The following PCDH15 variants were observed in gnomAD, a reference collection of about 807,000 sequenced individuals.
PCDH15 encodes protocadherin related 15.
PCDH15 carries 129 observed loss-of-function variants against 178.5 expected under a neutral mutation model. The ratio of observed to expected loss-of-function variants is 0.72; its 90% CI spans 0.63 to 0.84. The LOEUF (loss-of-function observed/expected upper bound fraction) is 0.84, where lower values mean the gene tolerates loss of function less well. Ranked by LOEUF, PCDH15 falls within the 40% of genes least tolerant of loss-of-function variation. PCDH15 has a pLI of 0.00. For missense variants in PCDH15, 2,230 were observed against 2,099.9 expected, an observed-to-expected ratio of 1.06 and a Z score of -1.21; for synonymous variants, 800 against 732.0, an observed-to-expected ratio of 1.09 and a Z score of -1.50.
At chr10:54,271,144 G>T (rs1357309088) in intron 8 of PCDH15, among the ~76,000 whole-genome samples, 1 of 152,080 alleles carries the variant, frequency 6.6e-6, no homozygotes, top group African/African-American at 2.4e-5. Flanking sequence ...GCTATGATCT[G>T]CCATTGTATA....
intron 15 of PCDH15, among the ~76,000 whole-genome samples, chr10:54,112,676 C>G (rs997205502): frequency 6.6e-6 from 1 of 152,146 alleles, no homozygotes; most frequent in East Asian, 1.9e-4. Context: ...TATTTAATTT[C>G]TAATGCATCA....
intron 2 of PCDH15, among the ~76,000 whole-genome samples, chr10:55,549,409 GATGATGGGTATGC>G: frequency 6.6e-6 from 1 of 152,164 alleles, no homozygotes; most frequent in Middle Eastern, 3.4e-3. Context: ...AAAACTCCAA[GATGATGGGTATGC>G]ATCAATTGAA....
intron 3 of PCDH15, among the ~76,000 whole-genome samples, chr10:54,819,055 G>A (rs1447315840): frequency 6.6e-6 from 1 of 151,904 alleles, no homozygotes; most frequent in Non-Finnish European, 1.5e-5. Context: ...TTCCCAAACT[G>A]CTGGAATTAC....
intron 21 of PCDH15, among the ~76,000 whole-genome samples, chr10:53,964,358 T>C (rs1306214051): frequency 2.4e-5 from 2 of 82,706 alleles, no homozygotes; most frequent in African/African-American, 4.6e-5. Flanking sequence ...GAATAAATAA[T>C]TTTTTATTTA....
chr10:54,675,779 G>A (rs190145750), intron 1 of PCDH15, among the ~76,000 whole-genome samples: 65 of 152,240 alleles, frequency 4.3e-4, no homozygotes, highest in Middle Eastern at 3.4e-3. Context: ...CCTGAGAAGA[G>A]GAATCATTAT....
chr10:54,727,645 C>G (rs1942763241), intron 1 of PCDH15, among the ~76,000 whole-genome samples: 1 of 151,234 alleles, frequency 6.6e-6, no homozygotes, highest in Non-Finnish European at 1.5e-5. Context: ...TGAAGACCAA[C>G]AAAAATATGT....
chr10:54,394,522 A>G (rs1170060112), intron 3 of PCDH15, among the ~76,000 whole-genome samples: 8 of 152,198 alleles, frequency 5.3e-5, no homozygotes, highest in Non-Finnish European at 1.2e-4. Context: ...GGTCACAGAC[A>G]TCAAGTACTT....
chr10:53,821,883 G>C lies in PCDH15; in HGVS notation c.4368-1653C>G, dbSNP rs2076290815. On this transcript the variant is annotated intron_variant, in intron 32 of 37. Transcript: ENST00000644397. ...TTACAGTGAAGTAGATTGACTGTGA[G>C]ATTGTTTTTCAGTTCCCTCGACAAT... 3.1e-6 allele frequency: 5 copies of C among 1,613,426 alleles called. No homozygotes were observed. The highest frequency in any genetic ancestry group is 4.2e-6 in the Non-Finnish European group (5 of 1,179,686).
chr10:55,337,274 T>C (rs1272722702), intron 2 of PCDH15, among the ~76,000 whole-genome samples: 2 of 152,188 alleles, frequency 1.3e-5, no homozygotes, highest in Admixed American at 1.3e-4. Context: ...ATATGAAACT[T>C]TTCACACAGA....
At chr10:54,685,149 C>A (rs766575268) in intron 1 of PCDH15, among the ~76,000 whole-genome samples, 1 of 152,016 alleles carries the variant, frequency 6.6e-6, no homozygotes, top group Non-Finnish European at 1.5e-5. Flanking sequence ...TCCTCCATAT[C>A]TTGTCCCAGT....
intron 2 of PCDH15, among the ~76,000 whole-genome samples, chr10:54,640,415 A>G (rs2093962289): frequency 1.3e-5 from 2 of 151,936 alleles, no homozygotes; most frequent in Admixed American, 1.3e-4. Flanking sequence ...ATACTTTTCT[A>G]TTTGTTAAAT....
At chr10:55,328,913 C>CAT (rs56104592) in intron 2 of PCDH15, among the ~76,000 whole-genome samples, 7,555 of 110,714 alleles carry the variant, frequency 0.068, 261 homozygotes, top group Middle Eastern at 0.12. Flanking sequence ...TTCACACAAA[C>CAT]ATATATATAT....
At chr10:55,497,317 TAG>T (rs1221769501) in intron 2 of PCDH15, among the ~76,000 whole-genome samples, 1 of 151,532 alleles carries the variant, frequency 6.6e-6, no homozygotes, top group Non-Finnish European at 1.5e-5. Context: ...TAATTTTTTG[TAG>T]AGACAAGGTC....
intron 2 of PCDH15, among the ~76,000 whole-genome samples, chr10:55,565,706 T>C (rs1842287950): frequency 6.6e-6 from 1 of 151,646 alleles, no homozygotes; most frequent in Non-Finnish European, 1.5e-5. Context: ...GAGAGTACTA[T>C]GAAAACTTGT....
At chr10:55,149,144 GTCTA>G (rs1838612197) in intron 2 of PCDH15, among the ~76,000 whole-genome samples, 1 of 149,124 alleles carries the variant, frequency 6.7e-6, no homozygotes, top group South Asian at 2.1e-4. Flanking sequence ...ATTTCAATAT[GTCTA>G]TCTAGTTTAT....
At chr10:54,210,429 G>A in intron 10 of PCDH15, among the ~76,000 whole-genome samples, 1 of 152,034 alleles carries the variant, frequency 6.6e-6, no homozygotes, top group East Asian at 1.9e-4. Flanking sequence ...GTAAATAAAT[G>A]TTTTGCAATC....
chr10:53,842,217 T>C (rs924067641), intron 28 of PCDH15, among the ~76,000 whole-genome samples: 2 of 152,172 alleles, frequency 1.3e-5, no homozygotes, highest in African/African-American at 4.8e-5. Flanking sequence ...TTCAATTGCA[T>C]AACCTTAGAC....
At chr10:53,879,127 C>T (rs2080503681) in intron 26 of PCDH15, among the ~76,000 whole-genome samples, 1 of 151,620 alleles carries the variant, frequency 6.6e-6, no homozygotes, top group African/African-American at 2.4e-5. Context: ...ACTTTTTGTA[C>T]ACTTAAACGT....
chr10:54,075,080 C>A lies in PCDH15; in HGVS notation c.2091+4251G>T, dbSNP rs140376976. Among the ~76,000 whole-genome samples the A allele has an allele frequency of 9.3e-3, 1,407 of 152,084 alleles. 22 individuals carry two copies. The highest frequency in any genetic ancestry group is 0.033 in the African/African-American group (1,365 of 41,498). ...GAATCAGTTTGTTTATTTTTGTTTTCTTTAAAAAATTCTCGGGCTGGGCGT... is the reference window on the plus strand; with the variant it reads ...GAATCAGTTTGTTTATTTTTGTTTTATTTAAAAAATTCTCGGGCTGGGCGT... On this transcript the variant is annotated intron_variant, in intron 17 of 37. Transcript: ENST00000644397.
Sources: allele counts gnomAD v4.1 joint callset (sites outside exome capture counted in the v4.1 genomes callset), GRCh38; gene constraint gnomAD v4.1.1; transcripts MANE v1.5; gene names NCBI Gene and HGNC (gene_info 2026-07-23, HGNC 2026-07-21).